Variants in AKIRIN1 observed in about 807,000 individuals in gnomAD.
AKIRIN1 encodes akirin 1.
AKIRIN1 carries 4 observed loss-of-function variants against 25.9 expected under a neutral mutation model. That is an observed-to-expected ratio of 0.15 (90% CI 0.08 to 0.35). AKIRIN1 has a LOEUF of 0.35. Among genes scored for constraint, AKIRIN1 ranks in the 10% least tolerant of loss-of-function variants. AKIRIN1 has a pLI of 1.00. For synonymous variants in AKIRIN1, 125 were observed against 105.1 expected (o/e 1.19, Z -1.16); for missense variants, 243 against 266.1 (o/e 0.91, Z 0.61).
intron 1 of AKIRIN1, among the ~76,000 whole-genome samples, chr1:38,993,445 G>C (rs1308162506): frequency 6.6e-6 from 1 of 151,640 alleles, no homozygotes; most frequent in Non-Finnish European, 1.5e-5. Context: ...GCGACAGAGC[G>C]AGACTCCATC....
intron 3 of AKIRIN1, among the ~76,000 whole-genome samples, chr1:39,002,119 C>T (rs1294138555): frequency 6.6e-6 from 1 of 152,214 alleles, no homozygotes; most frequent in African/African-American, 2.4e-5. Flanking sequence ...AAGCACAAAT[C>T]TCATCATACT....
intron 1 of AKIRIN1, 55 bp from the exon 2 acceptor site, chr1:38,998,116 G>A: frequency 6.4e-7 from 1 of 1,555,542 alleles, no homozygotes; most frequent in Non-Finnish European, 8.7e-7. Flanking sequence ...TCTGAAGAAA[G>A]TTTGAAGAAA....
intron 2 of AKIRIN1, among the ~76,000 whole-genome samples, chr1:39,000,058 A>G (rs547769483): frequency 6.6e-6 from 1 of 151,516 alleles, no homozygotes; most frequent in South Asian, 2.1e-4. Flanking sequence ...ATTTTTTTGT[A>G]TTTTTAGTAG....
At position 39,004,278 on chromosome 1, in the gene AKIRIN1, T is replaced by C; in HGVS notation, c.*223T>C. On this transcript the variant is annotated 3_prime_UTR_variant, in exon 5 of 5. Coordinates refer to ENST00000432648, the MANE Select transcript of AKIRIN1 (RefSeq NM_024595.3). The stretch of plus-strand genomic sequence containing the variant: ...CATCCAATAAACAGCTGTGCCCTAC[T>C]GTGATAGATTTTCCAAACAAAAATA... The C allele has an allele frequency of 1.5e-6, 1 of 680,146 alleles. No homozygotes were observed. Among genetic ancestry groups the C allele is most frequent in the Non-Finnish European group, 2.7e-6 (1 of 374,100 alleles). The allele number at this position is 680,146 out of a possible 1,614,324, so 42.1% of individuals were successfully genotyped here. A position where few individuals can be genotyped will look rare whatever the true frequency, so the allele number is the denominator to read the frequency against.
chr1:39,004,242 T>G lies in AKIRIN1; in HGVS notation c.*187T>G. On this transcript the variant is annotated 3_prime_UTR_variant, in exon 5 of 5. Transcript: ENST00000432648. ...TTTCTGGTTGCCACAAGCATATCTT[T>G]CTTTTCTGCTCATCCAATAAACAGC... 1.4e-6 allele frequency: 1 copy of G among 720,346 alleles called. No homozygotes were observed. Among genetic ancestry groups the G allele is most frequent in the Non-Finnish European group, 2.5e-6 (1 of 396,272 alleles). The allele number at this position is 720,346 out of a possible 1,614,324, so 44.6% of individuals were successfully genotyped here.
intron 2 of AKIRIN1, among the ~76,000 whole-genome samples, chr1:38,999,541 C>T (rs556244172): frequency 6.6e-6 from 1 of 152,340 alleles, no homozygotes; most frequent in South Asian, 2.1e-4. Flanking sequence ...TGCACCCTTT[C>T]TGATTGCTCT....
chr1:39,003,816 T>TA (rs560108719), intron 4 of AKIRIN1, among the ~76,000 whole-genome samples: 3 of 152,342 alleles, frequency 2.0e-5, no homozygotes, highest in African/African-American at 7.2e-5. Context: ...CAGGATTTCT[T>TA]ATTCTAAATA....
chr1:38,994,236 A>T (rs1168036232), intron 1 of AKIRIN1, among the ~76,000 whole-genome samples: 1 of 152,220 alleles, frequency 6.6e-6, no homozygotes, highest in Non-Finnish European at 1.5e-5. Context: ...ATTGGTAAGT[A>T]TAATGCAACT....
At chr1:39,000,435 CCT>C (rs896408237) in intron 2 of AKIRIN1, among the ~76,000 whole-genome samples, 2 of 147,646 alleles carry the variant, frequency 1.4e-5, no homozygotes, top group African/African-American at 5.0e-5. Context: ...GCAATCTCCG[CCT>C]CTCAGGTTCA....
chr1:38,991,664 GGGGGAGGGT>G, intron 1 of AKIRIN1, 64 bp downstream of exon 1: 1 of 967,544 alleles, frequency 1.0e-6, no homozygotes, highest in Non-Finnish European at 1.3e-6. Flanking sequence ...GGGGGGTGGT[GGGGGAGGGT>G]TGGGAATACC....
chr1:39,001,765 C>A (rs1643993520), intron 3 of AKIRIN1, among the ~76,000 whole-genome samples: 1 of 152,168 alleles, frequency 6.6e-6, no homozygotes, highest in African/African-American at 2.4e-5. Flanking sequence ...CAAGAATTTT[C>A]CATATCAATG....
chr1:38,994,569 G>A (rs1166279866), intron 1 of AKIRIN1, among the ~76,000 whole-genome samples: 1 of 151,598 alleles, frequency 6.6e-6, no homozygotes, highest in African/African-American at 2.4e-5. Context: ...GTAGTGGCAC[G>A]ATCTTGGCTC....
intron 1 of AKIRIN1, among the ~76,000 whole-genome samples, chr1:38,992,912 G>A (rs905943554): frequency 6.6e-6 from 1 of 152,048 alleles, no homozygotes; most frequent in Non-Finnish European, 1.5e-5. Flanking sequence ...TAAATTCCCC[G>A]GCCATTCAAT....
At chr1:39,003,730 G>A (rs1644011737) in intron 4 of AKIRIN1, among the ~76,000 whole-genome samples, 1 of 152,182 alleles carries the variant, frequency 6.6e-6, no homozygotes, top group Non-Finnish European at 1.5e-5. Flanking sequence ...TTTGTTACCT[G>A]TCTTTTCTCC....
At position 39,004,449 on chromosome 1, in the gene AKIRIN1, A is replaced by AT. The variant is rs1400062911; in HGVS notation, c.*403dup. The AT allele has an allele frequency of 1.0e-4, 29 of 282,194 alleles. No homozygotes were observed. The highest frequency in any genetic ancestry group is 1.5e-4 in the South Asian group (4 of 27,456). 17.5% of individuals were successfully genotyped at this position (282,194 alleles called of 1,614,324 possible). On this transcript the variant is annotated 3_prime_UTR_variant, in exon 5 of 5. Transcript: ENST00000432648. ...AAGTTATTATTTGTATTGTGCAAAA[A>AT]TTTTTTTTTGATCTTGGGGATTCTG... is the stretch of plus-strand genomic sequence containing the variant.
chr1:39,002,188 T>G (rs1036959319), intron 3 of AKIRIN1, among the ~76,000 whole-genome samples: 3 of 152,226 alleles, frequency 2.0e-5, no homozygotes, highest in Non-Finnish European at 1.5e-5. Context: ...GATCTGTTGC[T>G]TAGGGTGACA....
At chr1:38,994,663 G>T (rs951088509) in intron 1 of AKIRIN1, among the ~76,000 whole-genome samples, 1 of 111,668 alleles carries the variant, frequency 9.0e-6, no homozygotes, top group Non-Finnish European at 1.7e-5. Flanking sequence ...GTGTCACTAC[G>T]CTCGGCTAAT....
At chr1:39,002,471 C>G (rs2148069926) in intron 3 of AKIRIN1, among the ~76,000 whole-genome samples, 1 of 152,310 alleles carries the variant, frequency 6.6e-6, no homozygotes, top group East Asian at 1.9e-4. Context: ...TGGCTCACGC[C>G]TGTAATCCCA....
rs12043492 is a variant in AKIRIN1, at chr1:38,991,334, C to A, written c.-47C>A. 7.6e-7 allele frequency: 1 copy of A among 1,323,384 alleles called. No homozygotes were observed. The highest frequency in any genetic ancestry group is 1.5e-5 in the African/African-American group (1 of 64,894). The allele number at this position is 1,323,384 out of a possible 1,614,324, so 82.0% of individuals were successfully genotyped here. ...GAGCCCGGCTGAGGAGCCTCTTGGG[C>A]CGCACTTACCGCCGCGTCCGCTCCC... On this transcript the variant is annotated 5_prime_UTR_variant, in exon 1 of 5. Transcript: ENST00000432648.
Sources: gnomAD v4.1 joint callset for allele counts (sites outside exome capture counted in the v4.1 genomes callset) on GRCh38, gnomAD v4.1.1 for gene constraint, MANE v1.5 for transcripts, NCBI Gene and HGNC (gene_info 2026-07-23, HGNC 2026-07-21) for gene names.